The following PTPN4 variants were observed in gnomAD, a reference collection of about 807,000 sequenced individuals.
PTPN4 encodes the protein tyrosine-protein phosphatase non-receptor type 4.
PTPN4 carries 49 observed loss-of-function variants against 135.5 expected under a neutral mutation model. The ratio of observed to expected loss-of-function variants is 0.36; its 90% confidence interval spans 0.29 to 0.46. The LOEUF (loss-of-function observed/expected upper bound fraction) is 0.46, where lower values mean the gene tolerates loss of function less well. Ranked by LOEUF, PTPN4 falls within the 20% of genes least tolerant of loss-of-function variation. The probability of loss-of-function intolerance (pLI) is 1.00; values close to 1 mark genes in which losing one functional copy is unlikely to be tolerated. For synonymous variants in PTPN4, 333 were observed against 369.9 expected, an observed-to-expected ratio of 0.90 and a Z score of 1.14; for missense variants, 860 against 1,101.0, an observed-to-expected ratio of 0.78 and a Z score of 3.10.
chr2:119,937,795 G>C (rs1387306618), intron 15 of PTPN4, among the ~76,000 whole-genome samples: 2 of 152,026 alleles, frequency 1.3e-5, no homozygotes, highest in Admixed American at 6.6e-5. Context: ...GCCAAGTGTG[G>C]TGGTGTGCAC....
chr2:119,952,909 A>T (rs138606095), intron 19 of PTPN4, among the ~76,000 whole-genome samples: 21 of 152,320 alleles, frequency 1.4e-4, no homozygotes, highest in Non-Finnish European at 2.8e-4. Context: ...GATAGCTCAA[A>T]CTATAAATTG....
chr2:119,779,434 G>A (rs933712529), intron 1 of PTPN4, among the ~76,000 whole-genome samples: 2 of 152,090 alleles, frequency 1.3e-5, no homozygotes, highest in Non-Finnish European at 1.5e-5. Context: ...TGGCTAACAC[G>A]GTGAAACCCC....
chr2:119,975,597 T>C (rs1002419850), intron 26 of PTPN4, among the ~76,000 whole-genome samples: 10 of 152,120 alleles, frequency 6.6e-5, no homozygotes, highest in African/African-American at 2.4e-4. Flanking sequence ...TGATGGCAGG[T>C]GCCTGTAATC....
chr2:119,842,421 A>G (rs1677394702), intron 2 of PTPN4, among the ~76,000 whole-genome samples: 1 of 152,162 alleles, frequency 6.6e-6, no homozygotes, highest in Non-Finnish European at 1.5e-5. Context: ...TAAGCATATA[A>G]AAGTAGAAAG....
chr2:119,763,564 T>G (rs1179003364), intron 1 of PTPN4, among the ~76,000 whole-genome samples: 1 of 152,224 alleles, frequency 6.6e-6, no homozygotes, highest in Non-Finnish European at 1.5e-5. Context: ...GGCTCATACT[T>G]CTAGTAAGTG....
chr2:119,930,774 T>C (rs986565469), intron 13 of PTPN4, among the ~76,000 whole-genome samples: 7 of 152,180 alleles, frequency 4.6e-5, no homozygotes, highest in Admixed American at 3.3e-4. Context: ...TTATTAAGTT[T>C]TAATGTAATC....
chr2:119,792,489 G>C (rs1022558891), intron 1 of PTPN4, among the ~76,000 whole-genome samples: 1 of 152,176 alleles, frequency 6.6e-6, no homozygotes, highest in Non-Finnish European at 1.5e-5. Flanking sequence ...ACAATGCATA[G>C]CTGAATTGTT....
At chr2:119,930,172 A>G (rs576145471) in intron 13 of PTPN4, among the ~76,000 whole-genome samples, 1 of 152,312 alleles carries the variant, frequency 6.6e-6, no homozygotes, top group South Asian at 2.1e-4. Context: ...TAAACCTGTG[A>G]TAATGGGAAA....
chr2:119,863,673 C>A (rs1677792094), intron 3 of PTPN4, among the ~76,000 whole-genome samples: 1 of 151,914 alleles, frequency 6.6e-6, no homozygotes, highest in South Asian at 2.1e-4. Flanking sequence ...TTTTTGACAT[C>A]ATTTACTGAT....
intron 9 of PTPN4, among the ~76,000 whole-genome samples, chr2:119,895,377 C>T (rs1310149967): frequency 6.6e-6 from 1 of 152,100 alleles, no homozygotes; most frequent in Non-Finnish European, 1.5e-5. Flanking sequence ...GTAGTAGTCT[C>T]CAAAGAAAGG....
intron 25 of PTPN4, among the ~76,000 whole-genome samples, chr2:119,966,646 G>T (rs748044043): frequency 3.9e-5 from 6 of 152,204 alleles, no homozygotes; most frequent in Non-Finnish European, 5.9e-5. Context: ...TTAGGCATTA[G>T]GTTACAGCCT....
chr2:119,873,476 G>C (rs1209139765), intron 3 of PTPN4, among the ~76,000 whole-genome samples: 2 of 152,164 alleles, frequency 1.3e-5, no homozygotes, highest in African/African-American at 4.8e-5. Context: ...ATGTGAAGCA[G>C]TATATAGAGT....
intron 9 of PTPN4, among the ~76,000 whole-genome samples, chr2:119,890,693 A>G (rs1678227745): frequency 6.6e-6 from 1 of 151,798 alleles, no homozygotes; most frequent in South Asian, 2.1e-4. Context: ...TAAGTTTTAT[A>G]CTTTTGTGTG....
At position 119,871,012 on chromosome 2, in the gene PTPN4, G is replaced by A. The variant is rs1677901913; in HGVS notation, c.247-6311G>A. Among the ~76,000 whole-genome samples the A allele has an allele frequency of 2.0e-5, 3 of 151,680 alleles. No individual in the cohort carries two copies. The South Asian group carries it at 6.3e-4, about 32-fold the overall frequency. Reference sequence around the variant, plus strand: ...TAACATAATATTAAAATCTAGAAGAGCTTCTACAAATAATAAATAAAAGTC... The same window carrying A: ...TAACATAATATTAAAATCTAGAAGAACTTCTACAAATAATAAATAAAAGTC... On this transcript the variant is annotated intron_variant, in intron 3 of 26. Transcript: ENST00000263708.
intron 22 of PTPN4, 82 bp from the exon 23 acceptor site, chr2:119,960,725 C>T: frequency 7.3e-7 from 1 of 1,373,816 alleles, no homozygotes; most frequent in Non-Finnish European, 1.0e-6. Flanking sequence ...TTCACTATAA[C>T]AGTTAGTGGA....
At chr2:119,955,720 A>G (rs1398617072) in intron 20 of PTPN4, among the ~76,000 whole-genome samples, 4 of 151,936 alleles carry the variant, frequency 2.6e-5, no homozygotes, top group Admixed American at 2.0e-4. Flanking sequence ...GGCGGATCAC[A>G]AGGTCAGGAG....
intron 10 of PTPN4, among the ~76,000 whole-genome samples, chr2:119,901,678 A>G (rs1678405840): frequency 2.6e-5 from 4 of 152,244 alleles, no homozygotes; most frequent in Admixed American, 2.0e-4. Context: ...GAAGTATTAT[A>G]CCAGAAATTT....
At chr2:119,919,823 CAAAAAAA>C (rs768606079) in intron 11 of PTPN4, among the ~76,000 whole-genome samples, 5 of 64,760 alleles carry the variant, frequency 7.7e-5, no homozygotes, top group Non-Finnish European at 1.3e-4. Flanking sequence ...GACTGTGTCT[CAAAAAAA>C]AAAAAAAAAA....
intron 9 of PTPN4, among the ~76,000 whole-genome samples, chr2:119,896,943 C>T (rs1558757931): frequency 6.6e-6 from 1 of 152,068 alleles, no homozygotes; most frequent in Admixed American, 6.5e-5. Context: ...GTTTTTGAAA[C>T]AGGGTCTCAC....
Sources: allele counts gnomAD v4.1 joint callset (sites outside exome capture counted in the v4.1 genomes callset), GRCh38; gene constraint gnomAD v4.1.1; transcripts MANE v1.5; gene names NCBI Gene and HGNC (gene_info 2026-07-23, HGNC 2026-07-21).